GOLGA1: variants seen among roughly 807,000 people sequenced by gnomAD.
GOLGA1 encodes the protein golgin subfamily A member 1.
A neutral mutation model predicts 119.7 loss-of-function variants in GOLGA1; 63 were observed. The observed-to-expected ratio is 0.53, with a 90% CI of 0.43 to 0.65. The LOEUF (loss-of-function observed/expected upper bound fraction) is 0.65, where lower values mean the gene tolerates loss of function less well. Among genes scored for constraint, GOLGA1 ranks in the 30% least tolerant of loss-of-function variants. The pLI, the probability that GOLGA1 is intolerant of heterozygous loss-of-function variation, is 0.00. For synonymous variants in GOLGA1, 318 were observed against 333.4 expected, an observed-to-expected ratio of 0.95 and a Z score of 0.50; for missense variants, 798 against 912.8, an observed-to-expected ratio of 0.87 and a Z score of 1.62.
intron 19 of GOLGA1, among the ~76,000 whole-genome samples, chr9:124,886,259 C>T (rs555464290): frequency 5.9e-5 from 9 of 152,206 alleles, no homozygotes; most frequent in African/African-American, 1.9e-4. Flanking sequence ...CAGAGGAGGG[C>T]GCACAGTGCA....
intron 12 of GOLGA1, among the ~76,000 whole-genome samples, chr9:124,904,463 T>G (rs1830178776): frequency 1.3e-5 from 2 of 152,190 alleles, no homozygotes; most frequent in South Asian, 4.1e-4. Context: ...TAAAATGTAT[T>G]TATCAGGAAA....
In GOLGA1 at chr9:124,920,803, G is replaced by A. The variant is rs142288759; in HGVS notation, c.843+326C>T. Among the ~76,000 whole-genome samples, 100 of 150,816 alleles carry A rather than the reference G, an allele frequency of 6.6e-4. 1 individual carries two copies. Among genetic ancestry groups the A allele is most frequent in the African/African-American group, 2.3e-3 (94 of 40,976 alleles). On this transcript the variant is annotated intron_variant, in intron 10 of 22. Coordinates refer to ENST00000373555, the MANE Select transcript of GOLGA1 (RefSeq NM_002077.4). ...ACAAAAATTAGCCGGGTGTGGTGGC[G>A]GGCGCCTATAATACCTGGGCGACAA... is the stretch of plus-strand genomic sequence containing the variant.
At chr9:124,912,493 G>A (rs989973559) in intron 10 of GOLGA1, among the ~76,000 whole-genome samples, 1 of 152,188 alleles carries the variant, frequency 6.6e-6, no homozygotes, top group Non-Finnish European at 1.5e-5. Flanking sequence ...GAGCTGCCAT[G>A]CTTCTCATAC....
chr9:124,929,640 G>A (rs1008910153), intron 4 of GOLGA1, among the ~76,000 whole-genome samples: 15 of 152,018 alleles, frequency 9.9e-5, no homozygotes, highest in African/African-American at 3.6e-4. Flanking sequence ...TTCCTTTTCC[G>A]GTCTTAGCAG....
At chr9:124,918,471 G>T (rs1564338781) in intron 10 of GOLGA1, among the ~76,000 whole-genome samples, 1 of 152,158 alleles carries the variant, frequency 6.6e-6, no homozygotes, top group African/African-American at 2.4e-5. Flanking sequence ...TGACATCAAA[G>T]GGTCCCTTGA....
Position 124,921,198 on chromosome 9 carries a change from G to C in GOLGA1, c.774C>G (p.Ile258Met), listed in dbSNP as rs1222926549. 1.9e-6 allele frequency: 3 copies of C among 1,612,898 alleles called. No individual in the cohort carries two copies. In the East Asian group the frequency reaches 6.7e-5, roughly 36 times the overall value. The change falls in exon 10 of 23, where the codon ATC (isoleucine) becomes ATG (methionine). Residue 258 changes from isoleucine to methionine, a missense_variant. Ile to Met is a conservative substitution (Grantham distance 10). Transcript: ENST00000373555. The stretch of plus-strand genomic sequence containing the variant: ...CTTGTTCCTTTTGTTCCAGGGCTGT[G>C]ATCTTACTTTCTGCACCTGTTTTTG... ...IASKTGAESKITALEQKEQEL... is the reference protein window; with the variant it reads ...IASKTGAESKMTALEQKEQEL...
At chr9:124,897,880 C>A (rs1830014281) in intron 15 of GOLGA1, among the ~76,000 whole-genome samples, 1 of 152,166 alleles carries the variant, frequency 6.6e-6, no homozygotes, top group Non-Finnish European at 1.5e-5. Flanking sequence ...TCAATAAGAT[C>A]TTTGAGTCAT....
upstream of GOLGA1, chr9:124,944,768 T>C (rs1213218608): frequency 2.6e-5 from 4 of 152,234 alleles, no homozygotes; most frequent in Non-Finnish European, 5.9e-5. Flanking sequence ...TTTATACTTA[T>C]TCATACTGAT....
At chr9:124,944,165 G>A (rs1173352371), upstream of GOLGA1, 5 of 152,076 alleles carry the variant, frequency 3.3e-5, no homozygotes, top group African/African-American at 7.2e-5. Flanking sequence ...GTGGCAAAAG[G>A]AATGCATTCA....
intron 13 of GOLGA1, 160 bp downstream of exon 13, chr9:124,900,292 C>T: frequency 2.0e-6 from 1 of 512,692 alleles, no homozygotes; most frequent in South Asian, 2.6e-5. Context: ...TGACTCCCTC[C>T]ACCCCCTGCT....
Position 124,888,873 on chromosome 9 carries a change from G to A in GOLGA1, c.1761+270C>T, listed in dbSNP as rs1315592627. Among the ~76,000 whole-genome samples, 3 of 152,172 alleles carry A rather than the reference G, an allele frequency of 2.0e-5. No homozygotes were observed. Among genetic ancestry groups the A allele is most frequent in the Admixed American group, 2.0e-4 (3 of 15,284 alleles). On this transcript the variant is annotated intron_variant, in intron 18 of 22. Transcript: ENST00000373555. This position sits in a 1 kb window ranked among gnomAD's most constrained non-coding sequence, Gnocchi z 4.4. ...CGCCACCACGCCTAGCTAATTTTTT[G>A]TATTTTTAGTAGAGACTGGGTTTCA...
In GOLGA1 at chr9:124,888,417, A is replaced by AT. The variant is rs1230776659; in HGVS notation, c.1762-22dup. The AT allele has an allele frequency of 5.0e-6, 8 of 1,612,918 alleles. No homozygotes were observed. In the Admixed American group the frequency reaches 6.7e-5, roughly 13 times the overall value. On this transcript the variant is annotated intron_variant, in intron 18 of 22. Transcript: ENST00000373555. This position sits in a 1 kb window ranked among gnomAD's most constrained non-coding sequence, Gnocchi z 4.4. ...GTCACCTACAAGGTGGCAGCAGCAAATTGAGAGCCAGGACAGGTCAGGTGA... is the reference window on the plus strand; with the variant it reads ...GTCACCTACAAGGTGGCAGCAGCAAATTTGAGAGCCAGGACAGGTCAGGTGA...
At position 124,921,236 on chromosome 9, in the gene GOLGA1, G is replaced by T. The variant is rs750204347; in HGVS notation, c.736C>A (p.His246Asn). Residue 246 changes from histidine (H) to asparagine (N), a missense_variant, in exon 10 of 23, where the codon CAT becomes AAT. Physicochemically the swap from His to Asn is moderately conservative, Grantham distance 68 (BLOSUM62 1). Coordinates refer to ENST00000373555, the MANE Select transcript of GOLGA1 (RefSeq NM_002077.4). ...HYSTLEEQRD[H>N]VIASKTGAES... Reference sequence around the variant, plus strand: ...GCACCTGTTTTTGAAGCTATCACATGATCTCTTCATCAAAAGAAAGCAGAC... The same window carrying T: ...GCACCTGTTTTTGAAGCTATCACATTATCTCTTCATCAAAAGAAAGCAGAC... 6.3e-7 allele frequency: 1 copy of T among 1,587,640 alleles called. No homozygotes were observed. The highest frequency in any genetic ancestry group is 8.6e-7 in the Non-Finnish European group (1 of 1,156,214).
intron 13 of GOLGA1, among the ~76,000 whole-genome samples, 189 bp from the exon 14 acceptor site, chr9:124,899,667 G>A (rs544382739): frequency 1.3e-5 from 2 of 152,342 alleles, no homozygotes; most frequent in African/African-American, 4.8e-5. Flanking sequence ...CTGTCCAGAA[G>A]ATGGAGTCTT....
At position 124,905,105 on chromosome 9, in the gene GOLGA1, C is replaced by T. The variant is rs188111558; in HGVS notation, c.1065+3272G>A. Among the ~76,000 whole-genome samples, 434 of 150,442 alleles carry T rather than the reference C, an allele frequency of 2.9e-3. 4 individuals carry two copies. Among genetic ancestry groups the T allele is most frequent in the African/African-American group, 0.01 (420 of 41,168 alleles). ...AGGTTGTGGTAGGCTGAGATCAGGA[C>T]ACTACACTACAGCTTGGGTGATACA... On this transcript the variant is annotated intron_variant, in intron 12 of 22. Coordinates refer to ENST00000373555, the MANE Select transcript of GOLGA1 (RefSeq NM_002077.4).
rs1413458160 is a variant in GOLGA1 at position 124,898,637 on chromosome 9, A to G, written c.1319T>C (p.Leu440Pro). ...TTTAAGGGCTGCATTTTCTTGCTCCAGTTGTCTCTGCCAATTCAGAAGAAC... is the reference window on the plus strand; with the variant it reads ...TTTAAGGGCTGCATTTTCTTGCTCCGGTTGTCTCTGCCAATTCAGAAGAAC... The part of the protein sequence containing the change: ...QTTAEQGMRQ[L>P]EQENAALKEC... The change falls in exon 15 of 23, where the codon CTG (leucine) becomes CCG (proline). Residue 440 changes from leucine to proline, a missense_variant. Transcript: ENST00000373555. 2 of 1,602,462 alleles carry G rather than the reference A, an allele frequency of 1.2e-6. No individual in the cohort carries two copies. The highest frequency in any genetic ancestry group is 1.3e-5 in the African/African-American group (1 of 74,672).
chr9:124,903,029 A>G (rs191290166), intron 12 of GOLGA1, among the ~76,000 whole-genome samples: 1 of 152,332 alleles, frequency 6.6e-6, no homozygotes, highest in East Asian at 1.9e-4. Flanking sequence ...TCAGATCTTC[A>G]AGAGATTAAA....
chr9:124,908,627 A>G (rs1014436123), intron 11 of GOLGA1, among the ~76,000 whole-genome samples, 155 bp from the exon 12 acceptor site: 1 of 152,292 alleles, frequency 6.6e-6, no homozygotes, highest in African/African-American at 2.4e-5. Context: ...CACATATCAT[A>G]AAGTACACAC....
rs558654917 is a variant in GOLGA1, at chr9:124,884,376, C to G, written c.1906-1807G>C. ...ATCAAAATGCATTCTTCCATGTACC[C>G]CCAGTCCACATCCCCATTCTTGCAC... On this transcript the variant is annotated intron_variant, in intron 19 of 22. Coordinates refer to ENST00000373555, the MANE Select transcript of GOLGA1 (RefSeq NM_002077.4). 3.3e-5 allele frequency among the ~76,000 whole-genome samples: 5 copies of G among 152,288 alleles called. No homozygotes were observed. The South Asian group carries it at 1.0e-3, about 32-fold the overall frequency.
Sources: allele counts gnomAD v4.1 joint callset (sites outside exome capture counted in the v4.1 genomes callset), GRCh38; gene constraint gnomAD v4.1.1; non-coding constraint Gnocchi (gnomAD v3.1); transcripts MANE v1.5; gene names NCBI Gene and HGNC (gene_info 2026-07-23, HGNC 2026-07-21).